The following VPS33B variants were observed in gnomAD, a reference collection of about 807,000 sequenced individuals.
The protein encoded by VPS33B is VPS33B late endosome and lysosome associated.
VPS33B carries 80 observed loss-of-function variants against 95.3 expected under a neutral mutation model. The observed-to-expected ratio is 0.84, with a 90% CI of 0.70 to 1.01. The LOEUF (loss-of-function observed/expected upper bound fraction) is 1.01. VPS33B is among the 50% of genes least tolerant of loss of function. The pLI is 0.00. For synonymous variants in VPS33B, 280 were observed against 280.4 expected (o/e 1.00, Z 0.01); for missense variants, 715 against 773.4 (o/e 0.92, Z 0.90).
Position 91,007,320 on chromosome 15 carries a change from A to G in VPS33B, c.603+149T>C, listed in dbSNP as rs2040638948. On this transcript the variant is annotated intron_variant, in intron 8 of 22. Transcript: ENST00000333371. The surrounding 1 kb of genome is among the most constrained non-coding windows in gnomAD (Gnocchi z 5.3). ...GCTTTTGCTTCTCTGTTAGCCACAC[A>G]AGTTCTCCTCTCTGAGGATCTATTC... The G allele has an allele frequency of 9.3e-6, 8 of 857,950 alleles. 1 individual carries two copies. In the South Asian group the frequency reaches 1.2e-4, roughly 13 times the overall value. 53.1% of individuals were successfully genotyped at this position (857,950 alleles called of 1,614,324 possible).
chr15:91,004,460 C>T lies in VPS33B; in HGVS notation c.1225+417G>A, dbSNP rs557208604. The stretch of plus-strand genomic sequence containing the variant: ...TGGGGGTTGTGGTGAGCCGAGATCG[C>T]ACCACTGTACTCCAGCATGGGTGAC... On this transcript the variant is annotated intron_variant, in intron 16 of 22. Transcript: ENST00000333371. 8.5e-5 allele frequency among the ~76,000 whole-genome samples: 13 copies of T among 152,222 alleles called. No homozygotes were observed. In the South Asian group the frequency reaches 2.7e-3, roughly 32 times the overall value.
Position 90,998,972 on chromosome 15 carries a change from ACAT to A in VPS33B, c.1854_*2del, listed in dbSNP as rs753759988. ...AAGATGTCAACACTGGCCGGGAAAA[ACAT>A]CAGGCTTTCACCTCACTCATGGCCT... On this transcript the variant is annotated stop_lost and 3_prime_UTR_variant, in exon 23 of 23. Coordinates refer to ENST00000333371, the MANE Select transcript of VPS33B (RefSeq NM_018668.5). This position sits in a 1 kb window ranked among gnomAD's most constrained non-coding sequence, Gnocchi z 4.8. 6.2e-7 allele frequency: 1 copy of A among 1,614,060 alleles called. No individual in the cohort carries two copies. Among genetic ancestry groups the A allele is most frequent in the Non-Finnish European group, 8.5e-7 (1 of 1,179,996 alleles).
In VPS33B at chr15:91,022,368, C is replaced by T; in HGVS notation, c.-119G>A. ...AGGCCTGGGCACCGACTTCCAGAGA[C>T]CCCAGATGGGCCCTCGCTCCTCAGC... On this transcript the variant is annotated 5_prime_UTR_variant, in exon 1 of 23. Transcript: ENST00000333371. 1 of 978,792 alleles carries T rather than the reference C, an allele frequency of 1.0e-6. No homozygotes were observed. The highest frequency in any genetic ancestry group is 1.5e-6 in the Non-Finnish European group (1 of 673,246). The allele number at this position is 978,792 out of a possible 1,614,324, so 60.6% of individuals were successfully genotyped here.
rs1354123106 is a variant in VPS33B at position 91,018,492 on chromosome 15, T to C, written c.97-607A>G. ...GGGGAAAGTCACTGGGAGTTTCCTC[T>C]CACCCAGGCCTTCACAAATGAGTAG... On this transcript the variant is annotated intron_variant, in intron 1 of 22. Coordinates refer to ENST00000333371, the MANE Select transcript of VPS33B (RefSeq NM_018668.5). This position sits in a 1 kb window ranked among gnomAD's most constrained non-coding sequence, Gnocchi z 4.7. 6.6e-6 allele frequency among the ~76,000 whole-genome samples: 1 copy of C among 152,122 alleles called. No individual in the cohort carries two copies. The highest frequency in any genetic ancestry group is 2.4e-5 in the African/African-American group (1 of 41,412).
chr15:91,007,921 A>G lies in VPS33B; in HGVS notation c.447T>C (p.Asp149=). 6.2e-7 allele frequency: 1 copy of G among 1,614,210 alleles called. No homozygotes were observed. Among genetic ancestry groups the G allele is most frequent in the Non-Finnish European group, 8.5e-7 (1 of 1,180,026 alleles). The change falls in exon 7 of 23, where the codon GAT becomes GAC. Residue 149 remains aspartate, a synonymous_variant. Transcript: ENST00000333371. This position sits in a 1 kb window ranked among gnomAD's most constrained non-coding sequence, Gnocchi z 5.3. Reference sequence around the variant, plus strand: ...GTAGTTCCATGCTCAGCAGATCCACATCAAGAGGCAGCAAAGAGAAGGCCC... The same window carrying G: ...GTAGTTCCATGCTCAGCAGATCCACGTCAAGAGGCAGCAAAGAGAAGGCCC... ...DEWAFSLLPL[D]VDLLSMELPE...
At position 91,006,789 on chromosome 15, in the gene VPS33B, T is replaced by A. The variant is rs568365560; in HGVS notation, c.701-60A>T. 6.2e-7 allele frequency: 1 copy of A among 1,605,660 alleles called. No individual in the cohort carries two copies. The highest frequency in any genetic ancestry group is 1.3e-5 in the African/African-American group (1 of 74,854). ...CTGACCCAGCCTTCTACACAGCATGTCCAAGGGCAGCTTTGATACTTTCCA... is the reference window on the plus strand; with the variant it reads ...CTGACCCAGCCTTCTACACAGCATGACCAAGGGCAGCTTTGATACTTTCCA... On this transcript the variant is annotated intron_variant, in intron 9 of 22. Transcript: ENST00000333371. This position sits in a 1 kb window ranked among gnomAD's most constrained non-coding sequence, Gnocchi z 5.4.
intron 2 of VPS33B, 117 bp from the exon 3 acceptor site, chr15:91,017,141 CCTAATTATG>C (rs2044481916): frequency 3.2e-6 from 3 of 923,618 alleles, no homozygotes; most frequent in Admixed American, 1.8e-5. Flanking sequence ...TTGAGGGCTT[CCTAATTATG>C]CTAATTATGC....
chr15:91,004,982 C>T, intron 15 of VPS33B, 51 bp from the exon 16 acceptor site: 2 of 1,614,172 alleles, frequency 1.2e-6, no homozygotes, highest in Non-Finnish European at 1.7e-6. Flanking sequence ...AACACGTGTT[C>T]TTTTCCTTCT....
rs2040741320 is a variant in VPS33B at position 91,010,133 on chromosome 15, G to A, written c.358-287C>T. 6.6e-6 allele frequency among the ~76,000 whole-genome samples: 1 copy of A among 152,244 alleles called. No homozygotes were observed. Among genetic ancestry groups the A allele is most frequent in the Non-Finnish European group, 1.5e-5 (1 of 68,046 alleles). ...GAGTTCAGCTGTCTTCAAAAGGTAAGTTGTACAGACAGAGATGAGAGCAAT... is the reference window on the plus strand; with the variant it reads ...GAGTTCAGCTGTCTTCAAAAGGTAAATTGTACAGACAGAGATGAGAGCAAT... On this transcript the variant is annotated intron_variant, in intron 5 of 22. Coordinates refer to ENST00000333371, the MANE Select transcript of VPS33B (RefSeq NM_018668.5). This position sits in a 1 kb window ranked among gnomAD's most constrained non-coding sequence, Gnocchi z 5.7.
chr15:91,019,005 G>T (rs2041026139), intron 1 of VPS33B, among the ~76,000 whole-genome samples: 1 of 151,292 alleles, frequency 6.6e-6, no homozygotes, highest in South Asian at 2.1e-4. Context: ...AGTAGAGACG[G>T]TGTTTCACCA....
At chr15:91,014,266 C>T (rs921990766) in intron 4 of VPS33B, 118 bp downstream of exon 4, 1 of 1,010,928 alleles carries the variant, frequency 9.9e-7, no homozygotes, top group East Asian at 2.4e-5. Flanking sequence ...AGACATCCTC[C>T]ACAAGTGCTA....
At position 91,013,291 on chromosome 15, in the gene VPS33B, T is replaced by C. The variant is rs1304871868; in HGVS notation, c.357+513A>G. ...AAACAAATGAGGATATGTTAATGAATTGAGGATGCGTTAGTGACAGGTATT... is the reference window on the plus strand; with the variant it reads ...AAACAAATGAGGATATGTTAATGAACTGAGGATGCGTTAGTGACAGGTATT... On this transcript the variant is annotated intron_variant, in intron 5 of 22. Coordinates refer to ENST00000333371, the MANE Select transcript of VPS33B (RefSeq NM_018668.5). This position sits in a 1 kb window ranked among gnomAD's most constrained non-coding sequence, Gnocchi z 4.5. 1.3e-5 allele frequency among the ~76,000 whole-genome samples: 2 copies of C among 152,174 alleles called. No individual in the cohort carries two copies. Among genetic ancestry groups the C allele is most frequent in the African/African-American group, 4.8e-5 (2 of 41,444 alleles).
Position 91,009,343 on chromosome 15 carries a change from G to A in VPS33B, c.403+458C>T, listed in dbSNP as rs2040711670. ...CTTCCTTTCTCTGAGTCTCACTCTT[G>A]TTGCCCAGGCTGGAGTGCAATGGCG... On this transcript the variant is annotated intron_variant, in intron 6 of 22. Coordinates refer to ENST00000333371, the MANE Select transcript of VPS33B (RefSeq NM_018668.5). The surrounding 1 kb of genome is among the most constrained non-coding windows in gnomAD (Gnocchi z 4.1). Among the ~76,000 whole-genome samples the A allele has an allele frequency of 6.8e-6, 1 of 147,836 alleles. No homozygotes were observed. Among genetic ancestry groups the A allele is most frequent in the Non-Finnish European group, 1.5e-5 (1 of 67,392 alleles).
chr15:91,014,503 G>A, intron 3 of VPS33B, 70 bp from the exon 4 acceptor site: 1 of 1,544,118 alleles, frequency 6.5e-7, no homozygotes, highest in Non-Finnish European at 8.9e-7. Flanking sequence ...AGAAGAAACT[G>A]AAACAATACC....
At chr15:91,017,365 T>TTAAAAAAAAAAAAA (rs1555460460) in intron 2 of VPS33B, among the ~76,000 whole-genome samples, 10 of 16,990 alleles carry the variant, frequency 5.9e-4, no homozygotes, top group African/African-American at 2.2e-3. Context: ...TCTACAAAAT[T>TTAAAAAAAAAAAAA]AAATATATAT....
intron 6 of VPS33B, 67 bp from the exon 7 acceptor site, chr15:91,008,031 C>T (rs1314852218): frequency 8.8e-6 from 13 of 1,477,190 alleles, no homozygotes; most frequent in Admixed American, 1.7e-5. Context: ...AGGGAAGGTC[C>T]GCCACAAATA....
At position 90,999,906 on chromosome 15, in the gene VPS33B, A is replaced by C; in HGVS notation, c.1651T>G (p.Phe551Val). 6.2e-7 allele frequency: 1 copy of C among 1,614,186 alleles called. No individual in the cohort carries two copies. Among genetic ancestry groups the C allele is most frequent in the African/African-American group, 1.3e-5 (1 of 75,040 alleles). ...CACTGTTAATGCCACATACCTGTGA[A>C]TGCAAAGTCACTGCAGTTGAGCAGC... ...VRLLNCSDFA[F>V]TDMTKEDKAS... Residue 551 changes from phenylalanine (F) to valine (V), a missense_variant, in exon 21 of 23, where the codon TTC (phenylalanine) becomes GTC (valine). Coordinates refer to ENST00000333371, the MANE Select transcript of VPS33B (RefSeq NM_018668.5). The surrounding 1 kb of genome is among the most constrained non-coding windows in gnomAD (Gnocchi z 5.1).
chr15:91,003,193 G>A (rs954702834), intron 16 of VPS33B, 62 bp from the exon 17 acceptor site: 10 of 1,542,784 alleles, frequency 6.5e-6, no homozygotes, highest in Non-Finnish European at 8.1e-6. Context: ...ACCCTAAAAT[G>A]TACAGATCAA....
chr15:90,999,896 A>C lies in VPS33B; in HGVS notation c.1657+4T>G. 3.1e-6 allele frequency: 5 copies of C among 1,614,174 alleles called. No individual in the cohort carries two copies. The highest frequency in any genetic ancestry group is 3.4e-6 in the Non-Finnish European group (4 of 1,180,016). On this transcript the variant is annotated splice_donor_region_variant and intron_variant, in intron 21 of 22. Coordinates refer to ENST00000333371, the MANE Select transcript of VPS33B (RefSeq NM_018668.5). The surrounding 1 kb of genome is among the most constrained non-coding windows in gnomAD (Gnocchi z 5.1). ...CAGCCTACCCCACTGTTAATGCCAC[A>C]TACCTGTGAATGCAAAGTCACTGCA...
Sources: gnomAD v4.1 joint callset for allele counts (sites outside exome capture counted in the v4.1 genomes callset) on GRCh38, gnomAD v4.1.1 for gene constraint, Gnocchi (gnomAD v3.1) non-coding constraint, MANE v1.5 for transcripts, NCBI Gene and HGNC (gene_info 2026-07-23, HGNC 2026-07-21) for gene names.